MYOM3: variants seen among roughly 807,000 people sequenced by gnomAD.
The protein encoded by MYOM3 is myomesin 3.
In MYOM3, 155 loss-of-function variants were observed where a neutral mutation model predicts 191.7. The ratio of observed to expected loss-of-function variants is 0.81; its 90% CI spans 0.71 to 0.92. The LOEUF is 0.92. Ranked by LOEUF, MYOM3 falls within the 40% of genes least tolerant of loss-of-function variation. The probability of loss-of-function intolerance (pLI) is 0.00; values close to 1 mark genes in which losing one functional copy is unlikely to be tolerated. For synonymous variants in MYOM3, 757 were observed against 762.9 expected (o/e 0.99, Z 0.13); for missense variants, 1,889 against 1,890.6 (o/e 1.00, Z 0.02).
chr1:24,105,991 G>A lies in MYOM3; in HGVS notation c.489C>T (p.His163=), dbSNP rs540356799. 6.8e-6 allele frequency: 11 copies of A among 1,613,960 alleles called. No homozygotes were observed. The highest frequency in any genetic ancestry group is 5.5e-5 in the South Asian group (5 of 91,072). Residue 163 remains histidine, a synonymous_variant, in exon 5 of 37, where the codon CAC becomes CAT. Coordinates refer to ENST00000374434, the MANE Select transcript of MYOM3 (RefSeq NM_152372.4). ...GGACCGTGGTGTGCTCCCAGACGGC[G>A]TGGGAGCGAAGAGGGATCCAGAACC... ...GPWFWIPLRS[H]AVWEHTTVLL... is the part of the protein sequence containing the mutation.
intron 17 of MYOM3, 192 bp from the exon 18 acceptor site, chr1:24,082,380 A>C (rs1570870119): frequency 2.3e-6 from 2 of 859,766 alleles, no homozygotes; most frequent in East Asian, 2.8e-5. Flanking sequence ...GGGCTTCCCC[A>C]CCCCCCAGAG....
chr1:24,073,972 G>C (rs772691044), intron 23 of MYOM3, among the ~76,000 whole-genome samples, 188 bp downstream of exon 23: 1 of 151,956 alleles, frequency 6.6e-6, no homozygotes, highest in Non-Finnish European at 1.5e-5. Flanking sequence ...TAATATCCAG[G>C]GCCTACCTGG....
At chr1:24,080,252 A>G in intron 19 of MYOM3, 58 bp from the exon 20 acceptor site, 2 of 1,416,226 alleles carry the variant, frequency 1.4e-6, no homozygotes, top group East Asian at 2.4e-5. Flanking sequence ...GCAGCCAGCC[A>G]GGTAAGCAGC....
intron 9 of MYOM3, 45 bp downstream of exon 9, chr1:24,094,808 A>T (rs200736561): frequency 6.4e-7 from 1 of 1,569,208 alleles, no homozygotes; most frequent in East Asian, 2.2e-5. Flanking sequence ...TGAGCTTTGG[A>T]GGGGCCAGCT....
rs199701683 is a variant in MYOM3, at chr1:24,068,204, G to A, written c.3295+19C>T. 8.7e-6 allele frequency: 14 copies of A among 1,612,040 alleles called. No individual in the cohort carries two copies. The highest frequency in any genetic ancestry group is 1.7e-5 in the Admixed American group (1 of 60,010). On this transcript the variant is annotated intron_variant, in intron 26 of 36. Transcript: ENST00000374434. ...AGGGCGGGGCAGGGCTGGGCGGGGCGAGGCTGGGCATGGCTGACCGTCATC... is the reference window on the plus strand; with the variant it reads ...AGGGCGGGGCAGGGCTGGGCGGGGCAAGGCTGGGCATGGCTGACCGTCATC...
chr1:24,087,230 A>T lies in MYOM3; in HGVS notation c.1615-403T>A, dbSNP rs143443274. On this transcript the variant is annotated intron_variant, in intron 14 of 36. Transcript: ENST00000374434. The surrounding 1 kb of genome is among the most constrained non-coding windows in gnomAD (Gnocchi z 4.5). Reference sequence around the variant, plus strand: ...AAACCAGCCATGCCTTATTGTCCTCATGCTCCCCACCATAACCTTGATGCA... The same window carrying T: ...AAACCAGCCATGCCTTATTGTCCTCTTGCTCCCCACCATAACCTTGATGCA... 6.6e-6 allele frequency among the ~76,000 whole-genome samples: 1 copy of T among 152,128 alleles called. No individual in the cohort carries two copies. The highest frequency in any genetic ancestry group is 1.5e-5 in the Non-Finnish European group (1 of 67,982).
chr1:24,088,531 A>T (rs1385978967), intron 14 of MYOM3, among the ~76,000 whole-genome samples: 3 of 152,166 alleles, frequency 2.0e-5, no homozygotes, highest in Admixed American at 2.0e-4. Context: ...TGACGCCAAC[A>T]TCTTCACCAT....
chr1:24,060,853 C>T (rs1643361851), intron 35 of MYOM3, among the ~76,000 whole-genome samples: 3 of 152,086 alleles, frequency 2.0e-5, no homozygotes, highest in Admixed American at 6.5e-5. Context: ...ACCAGGCTCG[C>T]GCTGGATGCT....
In MYOM3 at chr1:24,090,106, T is replaced by C. The variant is rs1235156995; in HGVS notation, c.1445A>G (p.Asp482Gly). 9 of 1,613,364 alleles carry C rather than the reference T, an allele frequency of 5.6e-6. No individual in the cohort carries two copies. Among genetic ancestry groups the C allele is most frequent in the Middle Eastern group, 1.6e-4 (1 of 6,084 alleles). The change falls in exon 13 of 37, where the codon GAT becomes GGT. Residue 482 changes from aspartate (D) to glycine (G), a missense_variant. By Grantham distance (94) the Asp-to-Gly change is moderately conservative (BLOSUM62 -1). Coordinates refer to ENST00000374434, the MANE Select transcript of MYOM3 (RefSeq NM_152372.4). ...GCTGATGGTGATCTTGTTTCCCAGA[T>C]CAAAGGGGATCTCTAGGATGAGAAG... ...AARRKTEIPF[D>G]LGNKITISTD...
At chr1:24,099,105 T>A (rs148826615) in intron 6 of MYOM3, among the ~76,000 whole-genome samples, 86 of 152,248 alleles carry the variant, frequency 5.6e-4, no homozygotes, top group African/African-American at 2.0e-3. Flanking sequence ...TGGGGAGGAC[T>A]GCACTCTTAT....
rs558326490 is a variant in MYOM3 at position 24,076,507 on chromosome 1, CTTTTT to C, written c.2587-239_2587-235del. Among the ~76,000 whole-genome samples the C allele has an allele frequency of 1.4e-4, 7 of 49,106 alleles. No homozygotes were observed. The East Asian group carries it at 4.9e-3, about 34-fold the overall frequency. The allele number at this position is 49,106 out of a possible 152,430, so 32.2% of individuals were successfully genotyped here. ...CATCTGTTTTATTTCCCTAATGTTT[CTTTTT>C]TTTTTTTTTTTTTTTTTTTGAGACG... is the stretch of plus-strand genomic sequence containing the variant. On this transcript the variant is annotated intron_variant, in intron 20 of 36. Coordinates refer to ENST00000374434, the MANE Select transcript of MYOM3 (RefSeq NM_152372.4).
intron 25 of MYOM3, among the ~76,000 whole-genome samples, chr1:24,070,480 C>T (rs747112372): frequency 4.0e-5 from 6 of 151,666 alleles, no homozygotes; most frequent in Non-Finnish European, 5.9e-5. Flanking sequence ...CCCAACTACT[C>T]GGGAGGCTGA....
rs1192317440 is a variant in MYOM3, at chr1:24,063,581, T to C, written c.3623-51A>G. The C allele has an allele frequency of 1.2e-6, 2 of 1,609,350 alleles. No homozygotes were observed. Among genetic ancestry groups the C allele is most frequent in the Non-Finnish European group, 1.7e-6 (2 of 1,176,036 alleles). ...AGCTGGCATAGGGCTCCCCTAGGGA[T>C]GTGCTAGGAGTGGGGACATCCTAGA... On this transcript the variant is annotated intron_variant, in intron 30 of 36. Transcript: ENST00000374434. The surrounding 1 kb of genome is among the most constrained non-coding windows in gnomAD (Gnocchi z 4.5).
intron 35 of MYOM3, among the ~76,000 whole-genome samples, 191 bp downstream of exon 35, chr1:24,060,869 A>G (rs943320740): frequency 6.6e-6 from 1 of 152,034 alleles, no homozygotes; most frequent in African/African-American, 2.4e-5. Context: ...ATGCTTCCAC[A>G]ACACAATCCC....
At chr1:24,108,216 G>T in intron 2 of MYOM3, 143 bp from the exon 3 acceptor site, 2 of 825,122 alleles carry the variant, frequency 2.4e-6, no homozygotes, top group Non-Finnish European at 3.8e-6. Flanking sequence ...GTCTCAGAAA[G>T]CAAGGCTGCA....
chr1:24,102,234 C>G (rs1643942643), intron 5 of MYOM3, among the ~76,000 whole-genome samples: 1 of 152,134 alleles, frequency 6.6e-6, no homozygotes, highest in Non-Finnish European at 1.5e-5. Flanking sequence ...CAGCCTGGCC[C>G]CCTCCTGAAA....
intron 16 of MYOM3, chr1:24,084,096 T>G: frequency 4.3e-6 from 1 of 233,296 alleles, no homozygotes; most frequent in Non-Finnish European, 8.5e-6. Context: ...TCAAATCTCA[T>G]GTTGAATTGT....
Position 24,086,758 on chromosome 1 carries a change from C to A in MYOM3, c.1684G>T (p.Val562Phe). Residue 562 changes from valine (V) to phenylalanine (F), a missense_variant, in exon 15 of 37, where the codon GTT becomes TTT. Transcript: ENST00000374434. ...GACTTCTTTTTCTCCAGGTCCAGAA[C>A]GGCGAATCTCGGGGATCTCACAGGG... ...ESPVRSPRFA[V>F]LDLEKKKSYV... is the part of the protein sequence containing the mutation. The A allele has an allele frequency of 4.3e-6, 7 of 1,614,182 alleles. No homozygotes were observed. Among genetic ancestry groups the A allele is most frequent in the Non-Finnish European group, 5.9e-6 (7 of 1,180,020 alleles).
At chr1:24,065,717 A>G (rs1052125447) in intron 29 of MYOM3, 174 bp downstream of exon 29, 3 of 663,800 alleles carry the variant, frequency 4.5e-6, no homozygotes, top group African/African-American at 3.6e-5. Context: ...TATTGCATAC[A>G]ATATTATTTA....
Sources: gnomAD v4.1 joint callset for allele counts (sites outside exome capture counted in the v4.1 genomes callset) on GRCh38, gnomAD v4.1.1 for gene constraint, Gnocchi (gnomAD v3.1) non-coding constraint, MANE v1.5 for transcripts, NCBI Gene and HGNC (gene_info 2026-07-23, HGNC 2026-07-21) for gene names.